Variants in SLC8A3 observed in about 807,000 individuals in gnomAD.
The protein encoded by SLC8A3 is solute carrier family 8 member A3.
A neutral mutation model predicts 65.4 loss-of-function variants in SLC8A3; 37 were observed. That is an observed-to-expected ratio of 0.57 (90% CI 0.44 to 0.74). The LOEUF is 0.74. SLC8A3 is among the 30% of genes least tolerant of loss of function. The probability of loss-of-function intolerance (pLI) is 0.00; values close to 1 mark genes in which losing one functional copy is unlikely to be tolerated. For missense variants in SLC8A3, 1,112 were observed against 1,172.1 expected, an observed-to-expected ratio of 0.95 and a Z score of 0.75; for synonymous variants, 461 against 444.5, an observed-to-expected ratio of 1.04 and a Z score of -0.47.
At position 70,045,687 on chromosome 14, in the gene SLC8A3, G is replaced by T; in HGVS notation, c.*260C>A. 2.7e-6 allele frequency: 1 copy of T among 365,150 alleles called. No homozygotes were observed. 22.6% of individuals were successfully genotyped at this position (365,150 alleles called of 1,614,324 possible). A position where few individuals can be genotyped will look rare whatever the true frequency, so the allele number is the denominator to read the frequency against. ...GGTCAGGGATATGAGGGGGAGATGGGGTGGAGGTGGATTTGTTGCTGTTGC... is the reference window on the plus strand; with the variant it reads ...GGTCAGGGATATGAGGGGGAGATGGTGTGGAGGTGGATTTGTTGCTGTTGC... On this transcript the variant is annotated 3_prime_UTR_variant, in exon 7 of 7. Coordinates refer to ENST00000356921, the MANE Select transcript of SLC8A3 (RefSeq NM_182932.3).
At chr14:70,144,731 T>G (rs1895820240) in intron 2 of SLC8A3, among the ~76,000 whole-genome samples, 2 of 152,210 alleles carry the variant, frequency 1.3e-5, no homozygotes, top group Non-Finnish European at 2.9e-5. Context: ...ATGGTCTCTT[T>G]TCATGATATT....
Position 70,167,946 on chromosome 14 carries a change from C to A in SLC8A3, c.477G>T (p.Gly159=), listed in dbSNP as rs145745754. ...LLSLIEVCGH[G]FIAGDLGPST... ...AAGGTCCCAGATCACCAGCAATGAA[C>A]CCATGACCACACACCTCAATTAAAG... The change falls in exon 2 of 7, where the codon GGG becomes GGT. Residue 159 remains glycine (G), a synonymous_variant. Coordinates refer to ENST00000356921, the MANE Select transcript of SLC8A3 (RefSeq NM_182932.3). 3 of 1,614,006 alleles carry A rather than the reference C, an allele frequency of 1.9e-6. No homozygotes were observed. The African/African-American group carries it at 4.0e-5, about 22-fold the overall frequency.
chr14:70,061,966 T>C (rs1468341345), intron 2 of SLC8A3, among the ~76,000 whole-genome samples: 1 of 152,150 alleles, frequency 6.6e-6, no homozygotes, highest in African/African-American at 2.4e-5. Flanking sequence ...ACTGGCTCTT[T>C]GTCATGTGGA....
chr14:70,167,070 GC>G lies in SLC8A3; in HGVS notation c.1352del (p.Gly451AlafsTer5). 6.2e-7 allele frequency: 1 copy of G among 1,613,920 alleles called. No homozygotes were observed. The highest frequency in any genetic ancestry group is 8.5e-7 in the Non-Finnish European group (1 of 1,180,008). On this transcript the variant is annotated frameshift_variant, in exon 2 of 7. Transcript: ENST00000356921. LOFTEE classifies it high-confidence loss of function. ...NAGADYEFTE[G>X]TVVLKPGETQ... is the part of the protein sequence containing the mutation. ...TCTCTCCTGGCTTCAGAACCACCGT[GC>G]CCTCTGTGAACTCATAGTCAGCCCC... is the stretch of plus-strand genomic sequence containing the variant.
At chr14:70,128,238 T>A (rs1421546003) in intron 2 of SLC8A3, among the ~76,000 whole-genome samples, 1 of 152,192 alleles carries the variant, frequency 6.6e-6, no homozygotes, top group East Asian at 1.9e-4. Context: ...CTTATCTATC[T>A]CCCTTATCCT....
chr14:70,051,133 C>A (rs1245623184), intron 4 of SLC8A3, 26 bp from the exon 5 acceptor site: 1 of 1,517,650 alleles, frequency 6.6e-7, no homozygotes, highest in Non-Finnish European at 9.2e-7. Flanking sequence ...AAACTTGGAA[C>A]CATGAGGTTA....
chr14:70,146,220 AGTGGAAGAT>A (rs1279751666), intron 2 of SLC8A3, among the ~76,000 whole-genome samples: 1 of 152,216 alleles, frequency 6.6e-6, no homozygotes, highest in African/African-American at 2.4e-5. Flanking sequence ...TTGACATTAC[AGTGGAAGAT>A]GTGTAATGTC....
chr14:70,183,846 C>A (rs1490998403), intron 1 of SLC8A3, among the ~76,000 whole-genome samples: 1 of 152,212 alleles, frequency 6.6e-6, no homozygotes, highest in Non-Finnish European at 1.5e-5. Context: ...CCAGCTATCA[C>A]CAGACCATCG....
chr14:70,168,315 C>T lies in SLC8A3; in HGVS notation c.108G>A (p.Gly36=). 1 of 1,614,122 alleles carries T rather than the reference C, an allele frequency of 6.2e-7. No homozygotes were observed. Among genetic ancestry groups the T allele is most frequent in the Non-Finnish European group, 8.5e-7 (1 of 1,179,992 alleles). ...TGTTCTGCCCTGTGCTTGGCACGTCCCCTGAGCCACCAGCCTCTGCTCGAA... is the reference window on the plus strand; with the variant it reads ...TGTTCTGCCCTGTGCTTGGCACGTCTCCTGAGCCACCAGCCTCTGCTCGAA... ...NGLRAEAGGS[G]DVPSTGQNNE... The change falls in exon 2 of 7, where the codon GGG becomes GGA. Residue 36 remains glycine, a synonymous_variant. Transcript: ENST00000356921.
intron 1 of SLC8A3, among the ~76,000 whole-genome samples, chr14:70,183,398 C>G (rs945634744): frequency 1.3e-5 from 2 of 152,218 alleles, no homozygotes; most frequent in Non-Finnish European, 2.9e-5. Context: ...ATGTCTTGCT[C>G]TATAGTCTCC....
intron 1 of SLC8A3, among the ~76,000 whole-genome samples, chr14:70,186,175 T>C (rs1289551982): frequency 1.3e-5 from 2 of 151,124 alleles, no homozygotes; most frequent in African/African-American, 4.8e-5. Context: ...AAGGGGCTTT[T>C]CCCCCTTTTT....
intron 2 of SLC8A3, among the ~76,000 whole-genome samples, chr14:70,118,385 C>A (rs889346672): frequency 5.3e-5 from 8 of 152,170 alleles, no homozygotes; most frequent in South Asian, 2.1e-4. Context: ...GAACAAGAAC[C>A]CTTTACACCA....
chr14:70,153,421 C>T (rs1245513833), intron 2 of SLC8A3, among the ~76,000 whole-genome samples: 1 of 152,144 alleles, frequency 6.6e-6, no homozygotes, highest in Admixed American at 6.5e-5. Flanking sequence ...ATCATTCCTG[C>T]TTAACAAGTC....
intron 2 of SLC8A3, among the ~76,000 whole-genome samples, chr14:70,151,232 C>T (rs981778492): frequency 2.0e-4 from 30 of 147,634 alleles, no homozygotes; most frequent in African/African-American, 6.3e-4. Context: ...CCAGCCCAGG[C>T]GACAGTGCGA....
chr14:70,112,747 C>T (rs1040814732), intron 2 of SLC8A3, among the ~76,000 whole-genome samples: 2 of 152,192 alleles, frequency 1.3e-5, no homozygotes, highest in African/African-American at 4.8e-5. Context: ...GCCATCCTGT[C>T]TCTGAAGGCC....
chr14:70,091,424 C>T (rs1185842016), intron 2 of SLC8A3, among the ~76,000 whole-genome samples: 1 of 152,158 alleles, frequency 6.6e-6, no homozygotes, highest in Non-Finnish European at 1.5e-5. Flanking sequence ...CCCTTCCTTC[C>T]TACAAACCCT....
rs1355765793 is a variant in SLC8A3 at position 70,082,860 on chromosome 14, A to G, written c.1785-21921T>C. On this transcript the variant is annotated intron_variant, in intron 2 of 6. Coordinates refer to ENST00000356921, the MANE Select transcript of SLC8A3 (RefSeq NM_182932.3). ...TTCACCAGCCTTCTGTGTAATTTCA[A>G]TACTGATGGAAATGCTCTTGAATGC... Among the ~76,000 whole-genome samples, 5 of 152,220 alleles carry G rather than the reference A, an allele frequency of 3.3e-5. No individual in the cohort carries two copies. In the East Asian group the frequency reaches 5.8e-4, roughly 18 times the overall value.
intron 6 of SLC8A3, chr14:70,048,433 C>T (rs750005937): frequency 1.9e-5 from 11 of 590,762 alleles, no homozygotes; most frequent in South Asian, 1.3e-4. Context: ...GGGCATGTAG[C>T]TTAACCTCTG....
At chr14:70,111,310 C>A (rs1893286683) in intron 2 of SLC8A3, among the ~76,000 whole-genome samples, 1 of 152,198 alleles carries the variant, frequency 6.6e-6, no homozygotes, top group Non-Finnish European at 1.5e-5. Context: ...CCATGACAGT[C>A]CACAAATACT....
Sources: allele counts gnomAD v4.1 joint callset (sites outside exome capture counted in the v4.1 genomes callset), GRCh38; gene constraint gnomAD v4.1.1; transcripts MANE v1.5; gene names NCBI Gene and HGNC (gene_info 2026-07-23, HGNC 2026-07-21).